Variants in FER observed in about 807,000 individuals in gnomAD.
The protein encoded by FER is FER tyrosine kinase.
A neutral mutation model predicts 111.0 loss-of-function variants in FER; 63 were observed. The ratio of observed to expected loss-of-function variants is 0.57; its 90% CI spans 0.46 to 0.70. The LOEUF (loss-of-function observed/expected upper bound fraction) is 0.70. FER is among the 30% of genes least tolerant of loss of function. FER has a pLI of 0.00. For missense variants in FER, 914 were observed against 954.0 expected (o/e 0.96, Z 0.55); for synonymous variants, 327 against 313.9 (o/e 1.04, Z -0.44).
intron 5 of FER, among the ~76,000 whole-genome samples, chr5:108,858,566 TTTTG>T: frequency 6.6e-6 from 1 of 152,274 alleles, no homozygotes; most frequent in East Asian, 1.9e-4. Flanking sequence ...TCCTTGTTAA[TTTTG>T]TTTATTTATT....
In FER at chr5:109,075,428, A is replaced by ATT. The variant is rs749923297; in HGVS notation, c.1925-24950_1925-24949dup. Among the ~76,000 whole-genome samples, 74 of 128,536 alleles carry ATT rather than the reference A, an allele frequency of 5.8e-4. No individual in the cohort carries two copies. In the South Asian group the frequency reaches 0.01, roughly 18 times the overall value. The allele number at this position is 128,536 out of a possible 152,430, so 84.3% of individuals were successfully genotyped here. On this transcript the variant is annotated intron_variant, in intron 16 of 19. Transcript: ENST00000281092. ...ATCTTTGGAATGGCTTTTGCTTAGC[A>ATT]TTTTTTTTTTTTTTTTTTTGAGGCA...
At position 109,193,606 on chromosome 5, in the gene FER, T is replaced by C. The variant is rs1434870540; in HGVS notation, c.*6031T>C. ...AATGTTATGTTTTCGCTCAGCTGTA[T>C]TCATTCAGAAAGTTTTTCTTGAACA... On this transcript the variant is annotated 3_prime_UTR_variant, in exon 20 of 20. Transcript: ENST00000281092. The C allele has an allele frequency of 6.6e-6, 1 of 152,188 alleles. No homozygotes were observed. The highest frequency in any genetic ancestry group is 2.4e-5 in the African/African-American group (1 of 41,452). 9.4% of individuals were successfully genotyped at this position (152,188 alleles called of 1,614,324 possible).
intron 13 of FER, among the ~76,000 whole-genome samples, chr5:108,965,341 A>G (rs1380484745): frequency 6.6e-6 from 1 of 152,190 alleles, no homozygotes; most frequent in Non-Finnish European, 1.5e-5. Context: ...TATAAAAATC[A>G]TGTGTGAAAA....
chr5:109,091,039 G>A lies in FER; in HGVS notation c.1925-9357G>A, dbSNP rs530416944. On this transcript the variant is annotated intron_variant, in intron 16 of 19. Transcript: ENST00000281092. The stretch of plus-strand genomic sequence containing the variant: ...ACAGAGCATAAAGATTTGGAAAATT[G>A]TCAGCCTTACCATGTTGTAAAAGAA... Among the ~76,000 whole-genome samples the A allele has an allele frequency of 1.7e-4, 26 of 152,302 alleles. No individual in the cohort carries two copies. The South Asian group carries it at 1.9e-3, about 11-fold the overall frequency.
chr5:108,820,525 G>T lies in FER; in HGVS notation c.208-12245G>T, dbSNP rs760123573. The T allele has an allele frequency of 3.1e-5, 31 of 985,192 alleles. No homozygotes were observed. In the African/African-American group the frequency reaches 4.9e-4, roughly 16 times the overall value. 61.0% of individuals were successfully genotyped at this position (985,192 alleles called of 1,614,324 possible). On this transcript the variant is annotated intron_variant, in intron 3 of 19. Coordinates refer to ENST00000281092, the MANE Select transcript of FER (RefSeq NM_005246.4). ...CTGGAAAAGTATTGGGAAAGAAAAG[G>T]TAATATAATTTCTTAATTTCTTTTC...
chr5:108,959,962 T>A (rs1034839819), intron 13 of FER, among the ~76,000 whole-genome samples: 8 of 152,076 alleles, frequency 5.3e-5, no homozygotes, highest in Admixed American at 5.2e-4. Context: ...GTTTTAAAGG[T>A]AAAATCTTTG....
chr5:109,051,405 T>G (rs1772788723), intron 16 of FER: 1 of 1,612,618 alleles, frequency 6.2e-7, no homozygotes, highest in Non-Finnish European at 8.5e-7. Context: ...GTGGCTGTAG[T>G]TCATGTCCAG....
intron 5 of FER, among the ~76,000 whole-genome samples, chr5:108,861,301 A>G (rs943307802): frequency 2.0e-5 from 3 of 152,236 alleles, no homozygotes; most frequent in African/African-American, 7.2e-5. Context: ...GACTAGCTTA[A>G]TGAGTAGTCT....
intron 17 of FER, among the ~76,000 whole-genome samples, chr5:109,133,547 A>G (rs990268029): frequency 6.6e-6 from 1 of 152,228 alleles, no homozygotes; most frequent in African/African-American, 2.4e-5. Context: ...CAGAAATTTT[A>G]TAAGGCACTG....
intron 10 of FER, among the ~76,000 whole-genome samples, chr5:108,901,041 A>G (rs1749935527): frequency 6.6e-6 from 1 of 152,070 alleles, no homozygotes; most frequent in African/African-American, 2.4e-5. Flanking sequence ...GTCTTTATAA[A>G]AGAGGGAGTT....
At chr5:108,839,903 T>C (rs77743142) in intron 5 of FER, among the ~76,000 whole-genome samples, 2,599 of 152,238 alleles carry the variant, frequency 0.017, 78 homozygotes, top group African/African-American at 0.06. Context: ...TAAAAGTAGT[T>C]AATCAGATTC....
chr5:109,049,886 C>T (rs762920418), intron 16 of FER, among the ~76,000 whole-genome samples: 13 of 152,190 alleles, frequency 8.5e-5, no homozygotes, highest in Non-Finnish European at 1.3e-4. Flanking sequence ...AATCCTCTTT[C>T]AACCTCTCTT....
intron 12 of FER, among the ~76,000 whole-genome samples, chr5:108,956,873 A>T (rs1758500215): frequency 6.6e-6 from 1 of 151,572 alleles, no homozygotes; most frequent in South Asian, 2.1e-4. Context: ...GGGGTCAATA[A>T]ATGGGGAAAT....
At chr5:109,175,750 A>T (rs1757609384) in intron 17 of FER, among the ~76,000 whole-genome samples, 1 of 152,214 alleles carries the variant, frequency 6.6e-6, no homozygotes. Flanking sequence ...ACAGCTCAAC[A>T]CTAATCATTA....
chr5:108,791,044 C>A (rs1242029761), intron 2 of FER, among the ~76,000 whole-genome samples: 2 of 152,106 alleles, frequency 1.3e-5, no homozygotes, highest in Admixed American at 1.3e-4. Flanking sequence ...ATCTGTTCAC[C>A]TGTTGATGGA....
intron 5 of FER, among the ~76,000 whole-genome samples, chr5:108,858,816 ATTCGT>A (rs1345733352): frequency 2.9e-5 from 3 of 103,052 alleles, no homozygotes; most frequent in Admixed American, 1.1e-4. Flanking sequence ...TCGTTTTTTC[ATTCGT>A]TTCAACAGCT....
intron 17 of FER, among the ~76,000 whole-genome samples, chr5:109,141,232 A>G (rs1205265120): frequency 1.3e-5 from 2 of 152,158 alleles, no homozygotes; most frequent in Non-Finnish European, 2.9e-5. Context: ...TCCTTTCTCA[A>G]TTTTTTATAA....
rs551454820 is a variant in FER at position 109,187,673 on chromosome 5, G to C, written c.*98G>C. The C allele has an allele frequency of 7.3e-7, 1 of 1,373,208 alleles. No homozygotes were observed. The highest frequency in any genetic ancestry group is 1.0e-6 in the Non-Finnish European group (1 of 997,388). 85.1% of individuals were successfully genotyped at this position (1,373,208 alleles called of 1,614,324 possible). On this transcript the variant is annotated 3_prime_UTR_variant, in exon 20 of 20. Coordinates refer to ENST00000281092, the MANE Select transcript of FER (RefSeq NM_005246.4). ...AATGAATTTATACCACATTACCTTC[G>C]ACAGTCTTCTACCATTATTTTTTAT...
chr5:108,874,418 G>T (rs542055612), intron 8 of FER, among the ~76,000 whole-genome samples: 33 of 152,208 alleles, frequency 2.2e-4, no homozygotes, highest in African/African-American at 7.9e-4. Flanking sequence ...ACATTTTACT[G>T]AGATAAACTT....
Sources: gnomAD v4.1 joint callset for allele counts (sites outside exome capture counted in the v4.1 genomes callset) on GRCh38, gnomAD v4.1.1 for gene constraint, MANE v1.5 for transcripts, NCBI Gene and HGNC (gene_info 2026-07-23, HGNC 2026-07-21) for gene names.